The following DAB1 variants were observed in gnomAD, a reference collection of about 807,000 sequenced individuals.
DAB1 encodes the protein disabled homolog 1.
A neutral mutation model predicts 64.6 loss-of-function variants in DAB1; 15 were observed. The ratio of observed to expected loss-of-function variants is 0.23; its 90% confidence interval spans 0.16 to 0.36. DAB1 has a LOEUF of 0.36. Among genes scored for constraint, DAB1 ranks in the 10% least tolerant of loss-of-function variants. The pLI, the probability that DAB1 is intolerant of heterozygous loss-of-function variation, is 1.00. For missense variants in DAB1, 596 were observed against 706.7 expected, an observed-to-expected ratio of 0.84 and a Z score of 1.78; for synonymous variants, 235 against 251.9, an observed-to-expected ratio of 0.93 and a Z score of 0.64.
At chr1:58,072,831 T>A (rs1251107044) in intron 5 of DAB1, among the ~76,000 whole-genome samples, 1 of 152,226 alleles carries the variant, frequency 6.6e-6, no homozygotes, top group East Asian at 1.9e-4. Flanking sequence ...GGCTGTATTA[T>A]ATGCAACATC....
At chr1:57,760,904 C>T (rs1170864345) in intron 6 of DAB1, among the ~76,000 whole-genome samples, 3 of 152,154 alleles carry the variant, frequency 2.0e-5, no homozygotes, top group Non-Finnish European at 2.9e-5. Flanking sequence ...AAGGAAGTCA[C>T]AAAGCAAGTC....
In DAB1 at chr1:58,197,728, A is replaced by G. The variant is rs115268754; in HGVS notation, n.310-47140T>C. On this transcript the variant is annotated intron_variant and non_coding_transcript_variant, in intron 4 of 20. Coordinates refer to the DAB1 transcript ENST00000485760. ...CTTTTTTTTTTTTTTTTGAGGACAGAGATAGAACATACAAGAAAAGCATGA... is the reference window on the plus strand; with the variant it reads ...CTTTTTTTTTTTTTTTTGAGGACAGGGATAGAACATACAAGAAAAGCATGA... Among the ~76,000 whole-genome samples the G allele has an allele frequency of 7.4e-3, 1,088 of 147,976 alleles. 15 individuals are homozygous for G. Among genetic ancestry groups the G allele is most frequent in the African/African-American group, 0.026 (1,039 of 40,074 alleles).
intron 7 of DAB1, among the ~76,000 whole-genome samples, chr1:57,535,332 T>C (rs1039187540): frequency 4.5e-4 from 69 of 152,316 alleles, no homozygotes; most frequent in African/African-American, 1.4e-3. Context: ...GAAAAATATA[T>C]TTTTGTAGAA....
chr1:58,488,663 G>A (rs568334076), intron 3 of DAB1, among the ~76,000 whole-genome samples: 14 of 152,284 alleles, frequency 9.2e-5, no homozygotes, highest in African/African-American at 3.4e-4. Context: ...TGTTGGTCAG[G>A]CTGGTCTTGA....
At chr1:58,030,386 T>C (rs1245484604) in intron 5 of DAB1, among the ~76,000 whole-genome samples, 1 of 152,204 alleles carries the variant, frequency 6.6e-6, no homozygotes, top group South Asian at 2.1e-4. Context: ...AACAAGCATA[T>C]ACTATTATTT....
chr1:58,376,164 T>G (rs35897816), intron 3 of DAB1, among the ~76,000 whole-genome samples: 28,516 of 148,866 alleles, frequency 0.19, 2,870 homozygotes, highest in Middle Eastern at 0.29. Flanking sequence ...AGGGGTTTTT[T>G]TGTCTCTATT....
intron 2 of DAB1, among the ~76,000 whole-genome samples, chr1:57,162,673 AT>A (rs1422661512): frequency 2.6e-5 from 4 of 152,136 alleles, no homozygotes; most frequent in Admixed American, 2.0e-4. Context: ...TTTGCGGAGT[AT>A]TTTTTGTAAA....
chr1:58,152,650 T>C (rs1449719435), intron 4 of DAB1, among the ~76,000 whole-genome samples: 2 of 152,222 alleles, frequency 1.3e-5, no homozygotes, highest in East Asian at 3.8e-4. Context: ...ATCAGACATA[T>C]ACTATTTCCT....
chr1:57,447,163 T>A (rs550939678), intron 7 of DAB1, among the ~76,000 whole-genome samples: 2 of 152,162 alleles, frequency 1.3e-5, no homozygotes, highest in Non-Finnish European at 2.9e-5. Flanking sequence ...AGTCCTATAA[T>A]AGAGATGGCC....
chr1:57,720,214 T>C (rs892651553), intron 6 of DAB1, among the ~76,000 whole-genome samples: 2 of 152,224 alleles, frequency 1.3e-5, no homozygotes, highest in Non-Finnish European at 2.9e-5. Flanking sequence ...CTGCACACCA[T>C]AGTCTCTATC....
chr1:58,192,341 C>T (rs77262888), intron 4 of DAB1, among the ~76,000 whole-genome samples: 4,335 of 152,244 alleles, frequency 0.028, 184 homozygotes, highest in African/African-American at 0.099. Flanking sequence ...GTGGTGAAGT[C>T]TGGGCTTTTA....
intron 7 of DAB1, among the ~76,000 whole-genome samples, chr1:57,524,542 T>C (rs868788994): frequency 2.6e-5 from 4 of 152,168 alleles, no homozygotes; most frequent in African/African-American, 7.2e-5. Context: ...GGTTTTGGGA[T>C]AGGCGATGAA....
chr1:57,937,561 G>A (rs1490370994), intron 5 of DAB1, among the ~76,000 whole-genome samples: 2 of 152,052 alleles, frequency 1.3e-5, no homozygotes, highest in African/African-American at 2.4e-5. Context: ...GATAGAGGGA[G>A]GGACTTGGGA....
intron 6 of DAB1, among the ~76,000 whole-genome samples, chr1:57,667,343 C>G (rs1026468850): frequency 6.6e-6 from 1 of 152,160 alleles, no homozygotes; most frequent in African/African-American, 2.4e-5. Context: ...AGTGTGCAGA[C>G]TGAGTTGACA....
chr1:57,531,910 T>C (rs1303527609), intron 7 of DAB1, among the ~76,000 whole-genome samples: 3 of 152,136 alleles, frequency 2.0e-5, no homozygotes, highest in African/African-American at 7.2e-5. Context: ...GCATTTCTAC[T>C]GGCTACCTAT....
At chr1:58,276,946 G>A (rs923599937) in intron 4 of DAB1, among the ~76,000 whole-genome samples, 1 of 151,806 alleles carries the variant, frequency 6.6e-6, no homozygotes, top group African/African-American at 2.4e-5. Context: ...CTTTTGTGCC[G>A]TGTCCAGTTT....
chr1:57,998,765 A>G (rs1335763189), intron 5 of DAB1, among the ~76,000 whole-genome samples: 1 of 152,244 alleles, frequency 6.6e-6, no homozygotes, highest in Non-Finnish European at 1.5e-5. Flanking sequence ...AGATGTATGA[A>G]AAATGCAAAG....
chr1:58,226,428 A>G (rs1570510180), intron 4 of DAB1, among the ~76,000 whole-genome samples: 1 of 151,266 alleles, frequency 6.6e-6, no homozygotes, highest in Admixed American at 6.6e-5. Context: ...GGTTCACTTT[A>G]TCAAAGCCAC....
chr1:57,422,272 G>C (rs1286939888), intron 1 of DAB1, among the ~76,000 whole-genome samples: 2 of 152,210 alleles, frequency 1.3e-5, no homozygotes, highest in Non-Finnish European at 2.9e-5. Context: ...AGCAGGAAGG[G>C]AGCAGGAAGG....
Sources: gnomAD v4.1 joint callset for allele counts (sites outside exome capture counted in the v4.1 genomes callset) on GRCh38, gnomAD v4.1.1 for gene constraint, MANE v1.5 for transcripts, NCBI Gene and HGNC (gene_info 2026-07-23, HGNC 2026-07-21) for gene names.